PPP1R21: variants seen among roughly 807,000 people sequenced by gnomAD.
The protein encoded by PPP1R21 is KLRAQ motif containing 1.
Under a neutral mutation model 112.8 loss-of-function variants are expected in PPP1R21, and 85 were observed. The observed-to-expected ratio is 0.75, with a 90% CI of 0.63 to 0.90. PPP1R21 has a LOEUF of 0.90. Ranked by LOEUF, PPP1R21 falls within the 40% of genes least tolerant of loss-of-function variation. The pLI, the probability that PPP1R21 is intolerant of heterozygous loss-of-function variation, is 0.00. For synonymous variants in PPP1R21, 381 were observed against 322.3 expected, an observed-to-expected ratio of 1.18 and a Z score of -1.95; for missense variants, 1,199 against 901.5, an observed-to-expected ratio of 1.33 and a Z score of -4.23.
In PPP1R21 at chr2:48,491,075, C is replaced by A. The variant is rs762149843; in HGVS notation, c.1504C>A (p.Pro502Thr). Residue 502 changes from proline (P) to threonine (T), a missense_variant, in exon 15 of 22, where the codon CCT (proline) becomes ACT (threonine). Physicochemically the swap from Pro to Thr is conservative, Grantham distance 38. Transcript: ENST00000294952. Reference protein sequence around the residue: ...DYFIASLSYGPKAASGFISPL... With the variant: ...DYFIASLSYGTKAASGFISPL... ...CTTCATTGCTTCACTGAGCTATGGA[C>A]CTAAGGCAGCGAGTGGATTCATTAG... 1.9e-6 allele frequency: 3 copies of A among 1,614,018 alleles called. No individual in the cohort carries two copies. The highest frequency in any genetic ancestry group is 2.5e-6 in the Non-Finnish European group (3 of 1,179,874).
At chr2:48,480,374 TGAG>T (rs939335276) in intron 13 of PPP1R21, among the ~76,000 whole-genome samples, 46 of 152,330 alleles carry the variant, frequency 3.0e-4, no homozygotes, top group African/African-American at 1.1e-3. Flanking sequence ...ACAAAGGAAT[TGAG>T]GAAACCAAGG....
At chr2:48,483,805 G>A (rs1332325283) in intron 13 of PPP1R21, among the ~76,000 whole-genome samples, 1 of 152,020 alleles carries the variant, frequency 6.6e-6, no homozygotes, top group Non-Finnish European at 1.5e-5. Context: ...GTCTGGGAAT[G>A]CCTCCAAAAT....
Position 48,454,691 on chromosome 2 carries a change from C to A in PPP1R21, c.223C>A (p.Leu75Ile), listed in dbSNP as rs770948633. ...RNLQLAKRVELLQDELALSEP... is the reference protein window; with the variant it reads ...RNLQLAKRVEILQDELALSEP... ...TCTGCAGCTTGCCAAGAGGGTAGAACTACTTCAAGATGAACTAGCTCTAAG... is the reference window on the plus strand; with the variant it reads ...TCTGCAGCTTGCCAAGAGGGTAGAAATACTTCAAGATGAACTAGCTCTAAG... The change falls in exon 3 of 22, where the codon CTA (leucine) becomes ATA (isoleucine). Residue 75 changes from leucine to isoleucine, a missense_variant. By Grantham distance (5) the Leu-to-Ile change is conservative. Transcript: ENST00000294952. 1 of 1,614,122 alleles carries A rather than the reference C, an allele frequency of 6.2e-7. No homozygotes were observed. The highest frequency in any genetic ancestry group is 8.5e-7 in the Non-Finnish European group (1 of 1,180,002).
intron 1 of PPP1R21, among the ~76,000 whole-genome samples, chr2:48,443,781 T>C (rs1048452525): frequency 2.0e-5 from 3 of 152,220 alleles, no homozygotes; most frequent in Non-Finnish European, 4.4e-5. Context: ...CCTAAGAGTA[T>C]TCCACCTTTT....
intron 2 of PPP1R21, among the ~76,000 whole-genome samples, chr2:48,454,373 TTAGTA>T (rs1384271173): frequency 2.0e-5 from 3 of 152,214 alleles, no homozygotes; most frequent in Non-Finnish European, 4.4e-5. Flanking sequence ...ATCTGTTACT[TTAGTA>T]TAGTTGCTCT....
Position 48,507,749 on chromosome 2 carries a change from CTTTTTTTTT to C in PPP1R21, c.2085+390_2085+398del, listed in dbSNP as rs34546075. Among the ~76,000 whole-genome samples the C allele has an allele frequency of 6.8e-4, 29 of 42,392 alleles. 1 individual carries two copies. Among genetic ancestry groups the C allele is most frequent in the South Asian group, 2.9e-3 (2 of 696 alleles). 27.8% of individuals were successfully genotyped at this position (42,392 alleles called of 152,430 possible). A position where few individuals can be genotyped will look rare whatever the true frequency, so the allele number is the denominator to read the frequency against. On this transcript the variant is annotated intron_variant, in intron 19 of 21. Coordinates refer to ENST00000294952, the MANE Select transcript of PPP1R21 (RefSeq NM_001135629.3). Reference sequence around the variant, plus strand: ...AAGACTGATTTGAGTGAGGCTCTGCCTTTTTTTTTTTTTTTTTTTTTTTTTTTTTTTTTT... The same window carrying C: ...AAGACTGATTTGAGTGAGGCTCTGCCTTTTTTTTTTTTTTTTTTTTTTTTT...
chr2:48,490,798 A>G (rs1669527652), intron 14 of PPP1R21, among the ~76,000 whole-genome samples: 4 of 152,218 alleles, frequency 2.6e-5, no homozygotes, highest in Admixed American at 2.6e-4. Context: ...AGGACATGTC[A>G]GAAATTTGTT....
chr2:48,500,640 G>T (rs989543846), intron 17 of PPP1R21, among the ~76,000 whole-genome samples: 1 of 152,168 alleles, frequency 6.6e-6, no homozygotes, highest in East Asian at 1.9e-4. Context: ...GGCTGGGTGC[G>T]TGGCTTATGC....
chr2:48,468,538 C>T (rs960781346), intron 9 of PPP1R21, among the ~76,000 whole-genome samples: 1 of 152,162 alleles, frequency 6.6e-6, no homozygotes, highest in African/African-American at 2.4e-5. Flanking sequence ...TCTGACCAGA[C>T]ACAGTAGCTC....
chr2:48,461,313 C>T, intron 7 of PPP1R21, 81 bp downstream of exon 7: 2 of 1,390,672 alleles, frequency 1.4e-6, no homozygotes, highest in Non-Finnish European at 1.9e-6. Flanking sequence ...AATTTTTAAT[C>T]TTTTGGGCAA....
rs770476503 is a variant in PPP1R21 at position 48,459,832 on chromosome 2, G to T, written c.454G>T (p.Ala152Ser). ...ACTGGCCACTCTGGAGACAGAAGCA[G>T]CCCAGCACCAAGCTGTGGTTGACGG... ...SRLATLETEA[A>S]QHQAVVDGLT... is the part of the protein sequence containing the mutation. The change falls in exon 5 of 22, where the codon GCC (alanine) becomes TCC (serine). Residue 152 changes from alanine to serine, a missense_variant. Transcript: ENST00000294952. 6.2e-7 allele frequency: 1 copy of T among 1,614,076 alleles called. No individual in the cohort carries two copies. The highest frequency in any genetic ancestry group is 8.5e-7 in the Non-Finnish European group (1 of 1,180,058).
intron 1 of PPP1R21, among the ~76,000 whole-genome samples, chr2:48,444,048 A>C (rs577235873): frequency 1.1e-4 from 16 of 146,720 alleles, no homozygotes; most frequent in East Asian, 9.6e-4. Flanking sequence ...AAGAAAAAAA[A>C]AACCAAACAA....
chr2:48,460,598 A>G (rs554534572), intron 6 of PPP1R21, among the ~76,000 whole-genome samples: 76 of 152,352 alleles, frequency 5.0e-4, no homozygotes, highest in African/African-American at 1.8e-3. Flanking sequence ...GTGTACTCCA[A>G]CATTTATTTG....
chr2:48,514,814 AC>A lies in PPP1R21; in HGVS notation c.*72del. ...TGCTGCACAGAGCCGCAGGGCTGAG[AC>A]CACGTCCATGCTGGCTGCCTTCAGG... On this transcript the variant is annotated 3_prime_UTR_variant, in exon 22 of 22. Coordinates refer to ENST00000294952, the MANE Select transcript of PPP1R21 (RefSeq NM_001135629.3). 6.5e-7 allele frequency: 1 copy of A among 1,538,120 alleles called. No homozygotes were observed. The highest frequency in any genetic ancestry group is 8.9e-7 in the Non-Finnish European group (1 of 1,118,860).
chr2:48,495,880 A>C, intron 16 of PPP1R21, 109 bp downstream of exon 16: 2 of 673,074 alleles, frequency 3.0e-6, no homozygotes, highest in Non-Finnish European at 5.3e-6. Flanking sequence ...ATAAATAAAC[A>C]TGTGAAATGA....
chr2:48,454,955 C>T (rs535343866), intron 3 of PPP1R21, among the ~76,000 whole-genome samples: 4 of 152,176 alleles, frequency 2.6e-5, no homozygotes, highest in East Asian at 3.9e-4. Context: ...CTCCCACCTC[C>T]GCCCCCAGAG....
chr2:48,506,408 C>A (rs950566536), intron 18 of PPP1R21, among the ~76,000 whole-genome samples: 2 of 152,146 alleles, frequency 1.3e-5, no homozygotes, highest in East Asian at 3.9e-4. Context: ...TAAGATGTAA[C>A]TTTATAAATA....
At chr2:48,445,862 G>A (rs1667223877) in intron 1 of PPP1R21, among the ~76,000 whole-genome samples, 1 of 152,198 alleles carries the variant, frequency 6.6e-6, no homozygotes, top group South Asian at 2.1e-4. Context: ...TAGGCAGAAA[G>A]AAAGACTAAG....
At chr2:48,509,874 T>C (rs1452642957) in intron 19 of PPP1R21, 141 bp from the exon 20 acceptor site, 1 of 531,370 alleles carries the variant, frequency 1.9e-6, no homozygotes, top group African/African-American at 1.9e-5. Flanking sequence ...TGTGACACAA[T>C]GCCTATAGGT....
Sources: gnomAD v4.1 joint callset for allele counts (sites outside exome capture counted in the v4.1 genomes callset) on GRCh38, gnomAD v4.1.1 for gene constraint, MANE v1.5 for transcripts, NCBI Gene and HGNC (gene_info 2026-07-23, HGNC 2026-07-21) for gene names.